AKAP5: variants seen among roughly 807,000 people sequenced by gnomAD.
The protein encoded by AKAP5 is A-kinase anchor protein 5.
AKAP5 carries 5 observed loss-of-function variants against 13.8 expected under a neutral mutation model. The observed-to-expected ratio is 0.36, with a 90% CI of 0.19 to 0.76. The LOEUF is 0.76. Among genes scored for constraint, AKAP5 ranks in the 30% least tolerant of loss-of-function variants. The pLI, the probability that AKAP5 is intolerant of heterozygous loss-of-function variation, is 0.51. For synonymous variants in AKAP5, 148 were observed against 167.2 expected (o/e 0.89, Z 0.89); for missense variants, 406 against 484.4 (o/e 0.84, Z 1.52).
Position 64,471,704 on chromosome 14 carries a change from A to G in AKAP5, c.*2026A>G. 6.2e-6 allele frequency: 1 copy of G among 161,146 alleles called. No individual in the cohort carries two copies. The highest frequency in any genetic ancestry group is 2.2e-4 in the South Asian group (1 of 4,516). 10.0% of individuals were successfully genotyped at this position (161,146 alleles called of 1,614,324 possible). ...ATTGAGTGATTGTGTTACTACTTGA[A>G]ACAGATGAAGTAATAAAGATGAAGT... is the stretch of plus-strand genomic sequence containing the variant. On this transcript the variant is annotated 3_prime_UTR_variant, in exon 2 of 2. Coordinates refer to ENST00000394718, the MANE Select transcript of AKAP5 (RefSeq NM_004857.3).
Position 64,469,002 on chromosome 14 carries a change from C to A in AKAP5, c.608C>A (p.Thr203Lys). The A allele has an allele frequency of 6.2e-7, 1 of 1,614,232 alleles. No homozygotes were observed. The highest frequency in any genetic ancestry group is 8.5e-7 in the Non-Finnish European group (1 of 1,180,048). ...EVCESNVSNS[T>K]TSGEKVISVE... ...TGTGAATCAAATGTGAGCAATAGCACAACTTCTGGAGAGAAAGTGATTTCA... is the reference window on the plus strand; with the variant it reads ...TGTGAATCAAATGTGAGCAATAGCAAAACTTCTGGAGAGAAAGTGATTTCA... Residue 203 changes from threonine to lysine, a missense_variant, in exon 2 of 2, where the codon ACA becomes AAA. Coordinates refer to ENST00000394718, the MANE Select transcript of AKAP5 (RefSeq NM_004857.3).
chr14:64,465,847 G>T (rs934955369), intron 1 of AKAP5, among the ~76,000 whole-genome samples: 31 of 152,232 alleles, frequency 2.0e-4, no homozygotes, highest in Non-Finnish European at 4.3e-4. Flanking sequence ...TTAGAAGCAT[G>T]GGTTGCCGGT....
chr14:64,469,143 T>C lies in AKAP5; in HGVS notation c.749T>C (p.Leu250Pro), dbSNP rs1168522558. The part of the protein sequence containing the change: ...QDVQPQQASP[L>P]ETSETDHQQP... ...GTTCAACCCCAGCAAGCAAGCCCACTTGAAACTTCAGAAACAGACCATCAG... is the reference window on the plus strand; with the variant it reads ...GTTCAACCCCAGCAAGCAAGCCCACCTGAAACTTCAGAAACAGACCATCAG... Residue 250 changes from leucine (L) to proline (P), a missense_variant, in exon 2 of 2, where the codon CTT (leucine) becomes CCT (proline). By Grantham distance (98) the Leu-to-Pro change is moderately conservative (BLOSUM62 -3). Coordinates refer to ENST00000394718, the MANE Select transcript of AKAP5 (RefSeq NM_004857.3). 1 of 1,614,132 alleles carries C rather than the reference T, an allele frequency of 6.2e-7. No individual in the cohort carries two copies. The highest frequency in any genetic ancestry group is 2.2e-5 in the East Asian group (1 of 44,884).
Position 64,468,474 on chromosome 14 carries a change from G to C in AKAP5, c.80G>C (p.Arg27Thr), listed in dbSNP as rs371347589. ...RSAEGSPGAE[R>T]QKEKASMLCF... ...GCAGAAGGTAGTCCTGGGGCTGAAA[G>C]GCAGAAGGAAAAGGCATCCATGCTT... The change falls in exon 2 of 2, where the codon AGG becomes ACG. Residue 27 changes from arginine (R) to threonine (T), a missense_variant. Arg to Thr is a moderately conservative substitution (Grantham distance 71). Coordinates refer to ENST00000394718, the MANE Select transcript of AKAP5 (RefSeq NM_004857.3). The C allele has an allele frequency of 6.2e-7, 1 of 1,614,116 alleles. No homozygotes were observed. Among genetic ancestry groups the C allele is most frequent in the Admixed American group, 1.7e-5 (1 of 60,032 alleles).
At position 64,468,892 on chromosome 14, in the gene AKAP5, G is replaced by C. The variant is rs760825109; in HGVS notation, c.498G>C (p.Gln166His). Residue 166 changes from glutamine (Q) to histidine (H), a missense_variant, in exon 2 of 2, where the codon CAG (glutamine) becomes CAC (histidine). Gln to His is a conservative substitution (Grantham distance 24). Coordinates refer to ENST00000394718, the MANE Select transcript of AKAP5 (RefSeq NM_004857.3). ...EEAEILDIQT[Q>H]TPLNDQATKA... ...CTGAAATTTTGGATATACAAACACA[G>C]ACCCCATTGAATGATCAGGCAACAA... The C allele has an allele frequency of 1.2e-5, 20 of 1,614,110 alleles. No homozygotes were observed. The highest frequency in any genetic ancestry group is 1.7e-5 in the Non-Finnish European group (20 of 1,180,032).
rs1482568693 is a variant in AKAP5 at position 64,468,335 on chromosome 14, C to CA, written c.-56dup. The CA allele has an allele frequency of 1.3e-5, 19 of 1,465,584 alleles. No individual in the cohort carries two copies. The African/African-American group carries it at 2.7e-4, about 21-fold the overall frequency. 90.8% of individuals were successfully genotyped at this position (1,465,584 alleles called of 1,614,324 possible). On this transcript the variant is annotated 5_prime_UTR_variant, in exon 2 of 2. Transcript: ENST00000394718. ...GACATTTTTGCTCATCTTTTTGTCA[C>CA]AAAAGGCTGCTAAGGAAGAGAGAAT...
rs537392273 is a variant in AKAP5, at chr14:64,472,531, G to C, written c.*2853G>C. On this transcript the variant is annotated 3_prime_UTR_variant, in exon 2 of 2. Coordinates refer to ENST00000394718, the MANE Select transcript of AKAP5 (RefSeq NM_004857.3). ...TATATATTTTTGGTTAGAATGTACTGATTGTTTTTATGATAAGATGTATAT... is the reference window on the plus strand; with the variant it reads ...TATATATTTTTGGTTAGAATGTACTCATTGTTTTTATGATAAGATGTATAT... The C allele has an allele frequency of 1.2e-5, 2 of 166,914 alleles. No individual in the cohort carries two copies. Among genetic ancestry groups the C allele is most frequent in the African/African-American group, 2.4e-5 (1 of 41,544 alleles). 10.3% of individuals were successfully genotyped at this position (166,914 alleles called of 1,614,324 possible). A position where few individuals can be genotyped will look rare whatever the true frequency, so the allele number is the denominator to read the frequency against.
Position 64,471,192 on chromosome 14 carries a change from G to C in AKAP5, c.*1514G>C, listed in dbSNP as rs1254254299. On this transcript the variant is annotated 3_prime_UTR_variant, in exon 2 of 2. Coordinates refer to ENST00000394718, the MANE Select transcript of AKAP5 (RefSeq NM_004857.3). ...TTTTGAGATGGAGTCTCACTCTGTC[G>C]CCCAGGCTGGAGTGCAGTGGCGCGA... 6.9e-6 allele frequency: 1 copy of C among 144,086 alleles called. No homozygotes were observed. Among genetic ancestry groups the C allele is most frequent in the African/African-American group, 2.7e-5 (1 of 36,494 alleles). 8.9% of individuals were successfully genotyped at this position (144,086 alleles called of 1,614,324 possible).
At position 64,473,423 on chromosome 14, in the gene AKAP5, A is replaced by G. The variant is rs1033897510; in HGVS notation, c.*3745A>G. ...TCAGCGGAGTCTTAGAATCTCTTTTATTTACTTCTGAGAGATTGTTATTTC... is the reference window on the plus strand; with the variant it reads ...TCAGCGGAGTCTTAGAATCTCTTTTGTTTACTTCTGAGAGATTGTTATTTC... On this transcript the variant is annotated 3_prime_UTR_variant, in exon 2 of 2. Transcript: ENST00000394718. The G allele has an allele frequency of 6.0e-6, 1 of 166,940 alleles. No individual in the cohort carries two copies. Among genetic ancestry groups the G allele is most frequent in the African/African-American group, 2.4e-5 (1 of 41,414 alleles). 10.3% of individuals were successfully genotyped at this position (166,940 alleles called of 1,614,324 possible).
rs1477725556 is a variant in AKAP5 at position 64,469,114 on chromosome 14, A to G, written c.720A>G (p.Gln240=). 1.2e-6 allele frequency: 2 copies of G among 1,614,112 alleles called. No individual in the cohort carries two copies. The highest frequency in any genetic ancestry group is 2.2e-5 in the South Asian group (2 of 91,056). Residue 240 remains glutamine (Q), a synonymous_variant, in exon 2 of 2, where the codon CAA becomes CAG. Coordinates refer to ENST00000394718, the MANE Select transcript of AKAP5 (RefSeq NM_004857.3). ...AAATTGAAACGATCAAGGAAAAACA[A>G]GATGTTCAACCCCAGCAAGCAAGCC... ...LEEIETIKEK[Q]DVQPQQASPL... is the part of the protein sequence containing the mutation.
Position 64,473,612 on chromosome 14 carries a change from G to GT in AKAP5, c.*3939dup, listed in dbSNP as rs1163302279. 1 of 167,016 alleles carries GT rather than the reference G, an allele frequency of 6.0e-6. No homozygotes were observed. The highest frequency in any genetic ancestry group is 1.5e-5 in the Non-Finnish European group (1 of 68,106). 10.3% of individuals were successfully genotyped at this position (167,016 alleles called of 1,614,324 possible). A position where few individuals can be genotyped will look rare whatever the true frequency, so the allele number is the denominator to read the frequency against. ...TACCTTATTTTTTATAGTTAAGAAT[G>GT]TTTTTCGAGGTTTACAACAGAATTT... On this transcript the variant is annotated 3_prime_UTR_variant, in exon 2 of 2. Transcript: ENST00000394718.
rs1410301151 is a variant in AKAP5, at chr14:64,468,794, A to C, written c.400A>C (p.Arg134=). Residue 134 remains arginine (R), a synonymous_variant, in exon 2 of 2, where the codon AGA becomes CGA. Transcript: ENST00000394718. ...RLKIPCIKFP[R]GPKRSNHSKI... ...TAAGATTCCCTGCATAAAATTCCCAAGAGGGCCAAAAAGGAGTAATCATTC... is the reference window on the plus strand; with the variant it reads ...TAAGATTCCCTGCATAAAATTCCCACGAGGGCCAAAAAGGAGTAATCATTC... 6.2e-7 allele frequency: 1 copy of C among 1,614,224 alleles called. No individual in the cohort carries two copies. The highest frequency in any genetic ancestry group is 1.7e-5 in the Admixed American group (1 of 60,032).
At chr14:64,466,052 A>C (rs1410494888) in intron 1 of AKAP5, among the ~76,000 whole-genome samples, 1 of 152,154 alleles carries the variant, frequency 6.6e-6, no homozygotes, top group Non-Finnish European at 1.5e-5. Context: ...TCCTTCCTCC[A>C]GGAGGAAGCT....
Position 64,468,734 on chromosome 14 carries a change from G to A in AKAP5, c.340G>A (p.Ala114Thr). 2 of 1,614,198 alleles carry A rather than the reference G, an allele frequency of 1.2e-6. No homozygotes were observed. The highest frequency in any genetic ancestry group is 1.7e-6 in the Non-Finnish European group (2 of 1,180,038). The change falls in exon 2 of 2, where the codon GCT (alanine) becomes ACT (threonine). Residue 114 changes from alanine (A) to threonine (T), a missense_variant. Coordinates refer to ENST00000394718, the MANE Select transcript of AKAP5 (RefSeq NM_004857.3). Reference protein sequence around the residue: ...EMQPAINAEDADLSKKKAKSR... With the variant: ...EMQPAINAEDTDLSKKKAKSR... ...GCAACCTGCAATAAATGCTGAGGAT[G>A]CTGATCTTTCTAAGAAAAAGGCAAA...
intron 1 of AKAP5, chr14:64,467,757 T>G (rs1266268102): frequency 6.6e-6 from 1 of 152,124 alleles, no homozygotes; most frequent in East Asian, 1.9e-4. Context: ...GCTTTAAAAT[T>G]ATCTATTGAG....
rs759301449 is a variant in AKAP5 at position 64,469,227 on chromosome 14, A to G, written c.833A>G (p.Glu278Gly). 4 of 1,614,070 alleles carry G rather than the reference A, an allele frequency of 2.5e-6. No individual in the cohort carries two copies. Among genetic ancestry groups the G allele is most frequent in the Non-Finnish European group, 3.4e-6 (4 of 1,180,016 alleles). ...LPAIPDQQIV[E>G]EASNSTLESA... is the part of the protein sequence containing the mutation. ...GCAATTCCAGATCAACAAATTGTGG[A>G]AGAAGCCAGTAACAGTACCCTAGAA... is the stretch of plus-strand genomic sequence containing the variant. The change falls in exon 2 of 2, where the codon GAA becomes GGA. Residue 278 changes from glutamate to glycine, a missense_variant. Coordinates refer to ENST00000394718, the MANE Select transcript of AKAP5 (RefSeq NM_004857.3).
intron 1 of AKAP5, among the ~76,000 whole-genome samples, chr14:64,465,815 C>T (rs1596585215): frequency 6.6e-6 from 1 of 152,316 alleles, no homozygotes; most frequent in Admixed American, 6.5e-5. Flanking sequence ...GCCCACCTAT[C>T]CCCTTCGCGT....
chr14:64,467,842 C>T (rs1462061728), intron 1 of AKAP5: 1 of 152,074 alleles, frequency 6.6e-6, no homozygotes, highest in Non-Finnish European at 1.5e-5. Context: ...TTAACTTGCA[C>T]TTTAGAGTCA....
At chr14:64,467,348 A>C (rs2078622857) in intron 1 of AKAP5, 1 of 152,208 alleles carries the variant, frequency 6.6e-6, no homozygotes, top group African/African-American at 2.4e-5. Context: ...TGCACTGCCT[A>C]ATACCCAAGA....
Sources: gnomAD v4.1 joint callset for allele counts (sites outside exome capture counted in the v4.1 genomes callset) on GRCh38, gnomAD v4.1.1 for gene constraint, MANE v1.5 for transcripts, NCBI Gene and HGNC (gene_info 2026-07-23, HGNC 2026-07-21) for gene names.